MIB1: variants seen among roughly 807,000 people sequenced by gnomAD.
MIB1 encodes MIB E3 ubiquitin protein ligase 1.
Under a neutral mutation model 124.5 loss-of-function variants are expected in MIB1, and 278 were observed. The ratio of observed to expected loss-of-function variants is 2.23; its 90% CI spans 2.02 to 2.47. The LOEUF is 2.47. Among genes scored for constraint, MIB1 ranks in the 30% most tolerant of loss-of-function variants. The pLI, the probability that MIB1 is intolerant of heterozygous loss-of-function variation, is 0.00. For synonymous variants in MIB1, 446 were observed against 429.4 expected, an observed-to-expected ratio of 1.04 and a Z score of -0.48; for missense variants, 957 against 1,254.4, an observed-to-expected ratio of 0.76 and a Z score of 3.58.
At chr18:21,856,595 C>G (rs1297989063) in intron 18 of MIB1, among the ~76,000 whole-genome samples, 1 of 152,126 alleles carries the variant, frequency 6.6e-6, no homozygotes, top group East Asian at 1.9e-4. Context: ...AGCATTAGGA[C>G]AAATAGCTAA....
At chr18:21,834,329 A>G (rs1445255784) in intron 12 of MIB1, among the ~76,000 whole-genome samples, 2 of 151,994 alleles carry the variant, frequency 1.3e-5, no homozygotes, top group South Asian at 2.1e-4. Flanking sequence ...GGGGTTGGCA[A>G]TTTTTGATTA....
intron 9 of MIB1, among the ~76,000 whole-genome samples, chr18:21,803,540 T>C (rs1598618891): frequency 6.6e-6 from 1 of 152,324 alleles, no homozygotes; most frequent in East Asian, 1.9e-4. Context: ...TTTCTAAAAG[T>C]TTTCTTTTCA....
At chr18:21,824,655 A>G (rs999881125) in intron 12 of MIB1, among the ~76,000 whole-genome samples, 1 of 152,062 alleles carries the variant, frequency 6.6e-6, no homozygotes, top group Non-Finnish European at 1.5e-5. Context: ...TAAGATATAT[A>G]TTTATATATG....
At chr18:21,801,674 G>A (rs922092069) in intron 9 of MIB1, among the ~76,000 whole-genome samples, 4 of 151,786 alleles carry the variant, frequency 2.6e-5, no homozygotes, top group African/African-American at 9.7e-5. Flanking sequence ...TTTTTCATTT[G>A]TTAGTAATCT....
At chr18:21,843,403 G>A (rs1017831674) in intron 14 of MIB1, among the ~76,000 whole-genome samples, 186 bp downstream of exon 14, 4 of 152,148 alleles carry the variant, frequency 2.6e-5, no homozygotes, top group Non-Finnish European at 5.9e-5. Flanking sequence ...CTTGAGATTG[G>A]CTTCTATATA....
intron 3 of MIB1, among the ~76,000 whole-genome samples, chr18:21,769,202 C>T (rs546522085): frequency 1.3e-5 from 2 of 152,262 alleles, no homozygotes; most frequent in Non-Finnish European, 2.9e-5. Flanking sequence ...GATAGCATAG[C>T]GGGCTCAGAG....
At chr18:21,764,679 T>G (rs1231734713) in intron 1 of MIB1, among the ~76,000 whole-genome samples, 1 of 152,136 alleles carries the variant, frequency 6.6e-6, no homozygotes, top group East Asian at 1.9e-4. Context: ...CTAATCTTGT[T>G]TTACCTAAAT....
intron 1 of MIB1, among the ~76,000 whole-genome samples, chr18:21,718,502 T>G (rs1280345526): frequency 6.6e-6 from 1 of 152,234 alleles, no homozygotes; most frequent in Non-Finnish European, 1.5e-5. Flanking sequence ...CTTGGAATGT[T>G]CAGCCCAGTG....
rs1023455185 is a variant in MIB1, at chr18:21,741,239, G to A, written c.-345G>A. 2.6e-5 allele frequency: 4 copies of A among 153,326 alleles called. No homozygotes were observed. Among genetic ancestry groups the A allele is most frequent in the African/African-American group, 9.6e-5 (4 of 41,480 alleles). The allele number at this position is 153,326 out of a possible 1,614,324, so 9.5% of individuals were successfully genotyped here. A position where few individuals can be genotyped will look rare whatever the true frequency, so the allele number is the denominator to read the frequency against. On this transcript the variant is annotated 5_prime_UTR_variant, in exon 1 of 21. Coordinates refer to ENST00000261537, the MANE Select transcript of MIB1 (RefSeq NM_020774.4). The surrounding 1 kb of genome is among the most constrained non-coding windows in gnomAD (Gnocchi z 5.4). ...GCGCTGCCGGCCGGGGGAGAGCGTG[G>A]TTTCCTTGCGGCCGTCGCTGTAGCC...
chr18:21,745,854 G>A (rs1427061105), intron 1 of MIB1, among the ~76,000 whole-genome samples: 3 of 152,068 alleles, frequency 2.0e-5, no homozygotes, highest in Non-Finnish European at 2.9e-5. Flanking sequence ...TTACAGGCAT[G>A]CACCACCACA....
At chr18:21,793,072 G>T (rs1354723493) in intron 7 of MIB1, among the ~76,000 whole-genome samples, 1 of 152,208 alleles carries the variant, frequency 6.6e-6, no homozygotes, top group Non-Finnish European at 1.5e-5. Flanking sequence ...CTTCGTATGG[G>T]AGCAGAGAGA....
At chr18:21,763,239 G>A in intron 1 of MIB1, among the ~76,000 whole-genome samples, 1 of 152,086 alleles carries the variant, frequency 6.6e-6, no homozygotes, top group East Asian at 1.9e-4. Context: ...AGTTATACAA[G>A]TAAATTCTTA....
chr18:21,821,452 A>G (rs1009460963), intron 12 of MIB1, among the ~76,000 whole-genome samples: 7 of 151,624 alleles, frequency 4.6e-5, no homozygotes, highest in African/African-American at 1.5e-4. Context: ...TTCTTCTTCT[A>G]TTTTTTGGAG....
At chr18:21,728,258 C>T (rs1334077562) in intron 1 of MIB1, among the ~76,000 whole-genome samples, 2 of 152,054 alleles carry the variant, frequency 1.3e-5, no homozygotes, top group Non-Finnish European at 2.9e-5. Context: ...TTTGGGAGGC[C>T]GAGGTGGGCG....
chr18:21,815,575 C>T (rs1253731177), intron 10 of MIB1, 41 bp from the exon 11 acceptor site: 3 of 1,535,524 alleles, frequency 2.0e-6, no homozygotes, highest in South Asian at 1.2e-5. Context: ...TTTTTTCTTT[C>T]TAAAATATTC....
chr18:21,864,457 ATAT>A, intron 20 of MIB1, 66 bp from the exon 21 acceptor site: 1 of 1,228,140 alleles, frequency 8.1e-7, no homozygotes, highest in Non-Finnish European at 1.2e-6. Context: ...AAAATTAATG[ATAT>A]ATAACAGTCT....
intron 13 of MIB1, among the ~76,000 whole-genome samples, chr18:21,842,902 A>G (rs989259765): frequency 6.6e-6 from 1 of 152,206 alleles, no homozygotes; most frequent in Non-Finnish European, 1.5e-5. Flanking sequence ...AATTACCATA[A>G]TAAAAATGAT....
chr18:21,856,169 G>A (rs527854592), intron 18 of MIB1, among the ~76,000 whole-genome samples: 6 of 150,460 alleles, frequency 4.0e-5, no homozygotes, highest in Non-Finnish European at 8.9e-5. Flanking sequence ...AGCGGAGCTT[G>A]CAGTGAGCTG....
intron 13 of MIB1, among the ~76,000 whole-genome samples, chr18:21,840,926 C>G (rs1204117898): frequency 6.6e-6 from 1 of 151,910 alleles, no homozygotes; most frequent in Non-Finnish European, 1.5e-5. Flanking sequence ...AAGCCATAAT[C>G]TTAAAAGAAA....
Sources: allele counts gnomAD v4.1 joint callset (sites outside exome capture counted in the v4.1 genomes callset), GRCh38; gene constraint gnomAD v4.1.1; non-coding constraint Gnocchi (gnomAD v3.1); transcripts MANE v1.5; gene names NCBI Gene and HGNC (gene_info 2026-07-23, HGNC 2026-07-21).